Variants in ADIPOR2 observed in about 807,000 individuals in gnomAD.
The protein encoded by ADIPOR2 is adiponectin receptor 2, also known as adiponectin receptor protein 2.
ADIPOR2 carries 18 observed loss-of-function variants against 40.9 expected under a neutral mutation model. That is an observed-to-expected ratio of 0.44 (90% CI 0.30 to 0.65). ADIPOR2 has a LOEUF of 0.65. Among genes scored for constraint, ADIPOR2 ranks in the 30% least tolerant of loss-of-function variants. The pLI is 0.09. For synonymous variants in ADIPOR2, 165 were observed against 166.4 expected (o/e 0.99, Z 0.06); for missense variants, 283 against 479.2 (o/e 0.59, Z 3.82).
intron 1 of ADIPOR2, among the ~76,000 whole-genome samples, chr12:1,709,674 A>G (rs1180711993): frequency 6.6e-6 from 1 of 152,178 alleles, no homozygotes; most frequent in African/African-American, 2.4e-5. Flanking sequence ...AGATCATTCA[A>G]CAGATGAGAG....
intron 1 of ADIPOR2, among the ~76,000 whole-genome samples, chr12:1,750,449 C>A (rs560662774): frequency 8.6e-5 from 13 of 150,912 alleles, no homozygotes; most frequent in Admixed American, 8.6e-4. Flanking sequence ...CACCTGTAAT[C>A]CTAGGTACTT....
At chr12:1,710,154 C>G (rs1220772232) in intron 1 of ADIPOR2, among the ~76,000 whole-genome samples, 2 of 152,076 alleles carry the variant, frequency 1.3e-5, no homozygotes, top group Non-Finnish European at 2.9e-5. Context: ...ATGGACCAAT[C>G]AGTGCTTTGT....
intron 1 of ADIPOR2, among the ~76,000 whole-genome samples, chr12:1,701,165 T>G (rs952157115): frequency 6.7e-6 from 1 of 149,410 alleles, no homozygotes; most frequent in African/African-American, 2.5e-5. Flanking sequence ...GGTCTCACTC[T>G]GTCACCCAGG....
intron 1 of ADIPOR2, among the ~76,000 whole-genome samples, chr12:1,703,705 A>T (rs975973814): frequency 5.3e-5 from 8 of 151,872 alleles, no homozygotes; most frequent in Non-Finnish European, 8.8e-5. Flanking sequence ...TGACAGAGTG[A>T]AACTCTGTCT....
chr12:1,781,133 C>T, intron 6 of ADIPOR2, 57 bp downstream of exon 6: 1 of 1,449,648 alleles, frequency 6.9e-7, no homozygotes, highest in Non-Finnish European at 9.2e-7. Context: ...GTTAAATTCA[C>T]TATTTATTAA....
chr12:1,777,448 GTCATC>G (rs1236879087), intron 3 of ADIPOR2, among the ~76,000 whole-genome samples: 20 of 138,276 alleles, frequency 1.4e-4, no homozygotes, highest in African/African-American at 5.4e-4. Context: ...GTGCAATGGC[GTCATC>G]TCAGCTCACC....
chr12:1,734,929 T>C (rs910203772), intron 1 of ADIPOR2, among the ~76,000 whole-genome samples: 4 of 152,168 alleles, frequency 2.6e-5, no homozygotes, highest in Admixed American at 1.3e-4. Context: ...GCGGCACTAT[T>C]TCTGAGGGCT....
intron 1 of ADIPOR2, among the ~76,000 whole-genome samples, chr12:1,704,050 C>T (rs1307505697): frequency 1.7e-5 from 2 of 121,066 alleles, no homozygotes; most frequent in African/African-American, 2.9e-5. Flanking sequence ...TTGGTTCTAC[C>T]TGGAATTTTT....
chr12:1,759,985 C>T (rs1458477670), intron 2 of ADIPOR2, among the ~76,000 whole-genome samples: 2 of 151,676 alleles, frequency 1.3e-5, no homozygotes, highest in African/African-American at 2.4e-5. Context: ...GAGATTGCAC[C>T]GCTGCACTCC....
chr12:1,754,567 C>A, intron 2 of ADIPOR2, 53 bp downstream of exon 2: 2 of 1,524,394 alleles, frequency 1.3e-6, no homozygotes, highest in Non-Finnish European at 8.8e-7. Flanking sequence ...GAGGAAGTGG[C>A]AGAGGGAGGA....
intron 1 of ADIPOR2, chr12:1,730,646 CA>C (rs1363899396): frequency 6.8e-6 from 1 of 148,090 alleles, no homozygotes; most frequent in Admixed American, 6.8e-5. Context: ...AACCAAACAA[CA>C]CTTGTTCAAT....
chr12:1,738,962 G>A (rs956928952), intron 1 of ADIPOR2, among the ~76,000 whole-genome samples: 2 of 152,132 alleles, frequency 1.3e-5, no homozygotes, highest in African/African-American at 4.8e-5. Flanking sequence ...AACATTTCTT[G>A]TGTGAGTCAT....
chr12:1,754,238 C>G lies in ADIPOR2; in HGVS notation c.-86-20C>G, dbSNP rs1862064115. 1 of 1,202,090 alleles carries G rather than the reference C, an allele frequency of 8.3e-7. No homozygotes were observed. Among genetic ancestry groups the G allele is most frequent in the Non-Finnish European group, 1.1e-6 (1 of 904,996 alleles). The allele number at this position is 1,202,090 out of a possible 1,614,324, so 74.5% of individuals were successfully genotyped here. A position where few individuals can be genotyped will look rare whatever the true frequency, so the allele number is the denominator to read the frequency against. On this transcript the variant is annotated intron_variant, in intron 1 of 7. Coordinates refer to ENST00000357103, the MANE Select transcript of ADIPOR2 (RefSeq NM_024551.3). ...CCAGCACTCCTTTAATGCATTTTTT[C>G]AAAACTTTCATCTTCTTAGGATCAA...
chr12:1,752,764 A>G (rs914483130), intron 1 of ADIPOR2, among the ~76,000 whole-genome samples: 2 of 152,254 alleles, frequency 1.3e-5, no homozygotes, highest in Non-Finnish European at 2.9e-5. Flanking sequence ...GTTGATTCTC[A>G]GTAAATGTTT....
At chr12:1,697,629 C>G (rs2094641995) in intron 1 of ADIPOR2, 1 of 152,334 alleles carries the variant, frequency 6.6e-6, no homozygotes, top group Admixed American at 6.5e-5. Context: ...CTATCAGTCA[C>G]AACATGAGTA....
Position 1,786,181 on chromosome 12 carries a change from G to A in ADIPOR2, c.*109G>A. The A allele has an allele frequency of 6.9e-7, 1 of 1,445,780 alleles. No homozygotes were observed. Among genetic ancestry groups the A allele is most frequent in the Admixed American group, 2.4e-5 (1 of 42,054 alleles). The allele number at this position is 1,445,780 out of a possible 1,614,324, so 89.6% of individuals were successfully genotyped here. A position where few individuals can be genotyped will look rare whatever the true frequency, so the allele number is the denominator to read the frequency against. ...CCAGAGGAGCCCCAAAACTTTGACAGCCTCGTGGGCTTTGTGACGGCCCAG... is the reference window on the plus strand; with the variant it reads ...CCAGAGGAGCCCCAAAACTTTGACAACCTCGTGGGCTTTGTGACGGCCCAG... On this transcript the variant is annotated 3_prime_UTR_variant, in exon 8 of 8. Coordinates refer to ENST00000357103, the MANE Select transcript of ADIPOR2 (RefSeq NM_024551.3).
At chr12:1,717,503 C>T (rs766900849) in intron 1 of ADIPOR2, among the ~76,000 whole-genome samples, 9 of 152,088 alleles carry the variant, frequency 5.9e-5, no homozygotes, top group Admixed American at 3.3e-4. Context: ...GTCGGGAGTT[C>T]GAGACCAGCC....
chr12:1,702,137 A>G (rs985571486), intron 1 of ADIPOR2, among the ~76,000 whole-genome samples: 2 of 131,172 alleles, frequency 1.5e-5, no homozygotes, highest in African/African-American at 2.7e-5. Flanking sequence ...CAAATGAACA[A>G]ACAGAAAAAA....
At chr12:1,706,457 G>A (rs1234262446) in intron 1 of ADIPOR2, among the ~76,000 whole-genome samples, 2 of 152,164 alleles carry the variant, frequency 1.3e-5, no homozygotes, top group Non-Finnish European at 1.5e-5. Flanking sequence ...AGACTAGGGA[G>A]TATTCATTGA....
Sources: allele counts gnomAD v4.1 joint callset (sites outside exome capture counted in the v4.1 genomes callset), GRCh38; gene constraint gnomAD v4.1.1; transcripts MANE v1.5; gene names NCBI Gene and HGNC (gene_info 2026-07-23, HGNC 2026-07-21).